Variants in LINC00305 observed in about 807,000 individuals in gnomAD.
The protein encoded by LINC00305 is long intergenic non-protein coding RNA 305.
At chr18:64,141,811 T>G (rs917022425) in intron 1 of LINC00305, among the ~76,000 whole-genome samples, 2 of 152,240 alleles carry the variant, frequency 1.3e-5, no homozygotes, top group African/African-American at 4.8e-5. Context: ...CTCACGCATA[T>G]GAAACAATGT....
At position 64,087,342 on chromosome 18, in the gene LINC00305, G is replaced by T. The variant is rs190839496; in HGVS notation, n.541-6940C>A. The stretch of plus-strand genomic sequence containing the variant: ...CTTAATCAGAAAATCCAATCAAATT[G>T]GTTCTCTGAATTGGAATCATCAAGC... On this transcript the variant is annotated intron_variant and non_coding_transcript_variant, in intron 3 of 3. Coordinates refer to ENST00000666468, the Ensembl canonical transcript of LINC00305. Among the ~76,000 whole-genome samples the T allele has an allele frequency of 1.9e-4, 29 of 152,170 alleles. 1 individual carries two copies. The South Asian group carries it at 2.7e-3, about 14-fold the overall frequency.
At chr18:64,143,339 G>A (rs1344242906) in intron 1 of LINC00305, among the ~76,000 whole-genome samples, 3 of 152,098 alleles carry the variant, frequency 2.0e-5, no homozygotes, top group Non-Finnish European at 4.4e-5. Flanking sequence ...CTAGCTGGCA[G>A]TCTTGATTTC....
chr18:64,144,251 C>G (rs565028869), intron 1 of LINC00305, among the ~76,000 whole-genome samples: 3 of 151,962 alleles, frequency 2.0e-5, no homozygotes, highest in African/African-American at 7.3e-5. Context: ...TTGCCAATAG[C>G]CTTATTTGTG....
intron 1 of LINC00305, among the ~76,000 whole-genome samples, chr18:64,108,994 C>T (rs2051303855): frequency 6.6e-6 from 1 of 152,130 alleles, no homozygotes; most frequent in Admixed American, 6.5e-5. Flanking sequence ...GAAAGCTCTG[C>T]CTAAAGCTCA....
chr18:64,090,634 G>A (rs982979281), intron 3 of LINC00305, among the ~76,000 whole-genome samples: 10 of 152,206 alleles, frequency 6.6e-5, no homozygotes, highest in African/African-American at 2.4e-4. Context: ...CAAGTATTCA[G>A]AAAGTGATGT....
At chr18:64,142,513 A>T (rs1441428596) in intron 1 of LINC00305, among the ~76,000 whole-genome samples, 1 of 152,092 alleles carries the variant, frequency 6.6e-6, no homozygotes, top group Non-Finnish European at 1.5e-5. Context: ...TCTAAATGGG[A>T]CTCTGGTGCT....
intron 1 of LINC00305, among the ~76,000 whole-genome samples, chr18:64,134,051 G>A (rs2051421893): frequency 6.6e-6 from 1 of 152,032 alleles, no homozygotes; most frequent in Non-Finnish European, 1.5e-5. Flanking sequence ...ACATCGGAGG[G>A]GCTTCAGACA....
intron 1 of LINC00305, among the ~76,000 whole-genome samples, chr18:64,138,088 C>G (rs1190543436): frequency 6.6e-6 from 1 of 152,104 alleles, no homozygotes; most frequent in Admixed American, 6.5e-5. Context: ...GTTTGCAGAT[C>G]AGCAGATCAA....
intron 1 of LINC00305, among the ~76,000 whole-genome samples, chr18:64,102,679 C>T (rs552588995): frequency 6.6e-6 from 1 of 152,274 alleles, no homozygotes; most frequent in Non-Finnish European, 1.5e-5. Flanking sequence ...GTAGCTTCTG[C>T]TTCTAGGGAG....
At chr18:64,107,039 A>G (rs1202740867) in intron 1 of LINC00305, among the ~76,000 whole-genome samples, 1 of 152,194 alleles carries the variant, frequency 6.6e-6, no homozygotes, top group Non-Finnish European at 1.5e-5. Flanking sequence ...GGCCCATAAA[A>G]TATTTTTCAA....
At position 64,109,851 on chromosome 18, in the gene LINC00305, G is replaced by A. The variant is rs75490384; in HGVS notation, n.315-11211C>T. Among the ~76,000 whole-genome samples the A allele has an allele frequency of 3.7e-3, 571 of 152,340 alleles. 25 individuals carry two copies. The East Asian group carries it at 0.097, about 26-fold the overall frequency. On this transcript the variant is annotated intron_variant and non_coding_transcript_variant, in intron 1 of 3. Coordinates refer to ENST00000666468, the Ensembl canonical transcript of LINC00305. ...CTAAAGCACTCAATTAATTGCCAGT[G>A]CAAGACTCTCCACTCCGAGCTTGTC...
At chr18:64,145,731 C>T (rs964970967) in intron 1 of LINC00305, among the ~76,000 whole-genome samples, 1 of 152,146 alleles carries the variant, frequency 6.6e-6, no homozygotes, top group Non-Finnish European at 1.5e-5. Flanking sequence ...TGTACATTAT[C>T]AAAACTGTGT....
intron 1 of LINC00305, among the ~76,000 whole-genome samples, chr18:64,100,723 T>G (rs976949577): frequency 6.6e-6 from 1 of 152,212 alleles, no homozygotes; most frequent in Admixed American, 6.5e-5. Context: ...CATTTGAAAA[T>G]CAGCACTTGA....
At chr18:64,095,169 G>T (rs1188894431) in intron 3 of LINC00305, among the ~76,000 whole-genome samples, 2 of 152,172 alleles carry the variant, frequency 1.3e-5, no homozygotes, top group Non-Finnish European at 2.9e-5. Flanking sequence ...TTTGAGAGGC[G>T]ATTTCTAACA....
intron 1 of LINC00305, among the ~76,000 whole-genome samples, chr18:64,112,557 T>C (rs1473453399): frequency 6.6e-6 from 1 of 152,180 alleles, no homozygotes; most frequent in Non-Finnish European, 1.5e-5. Context: ...TGTAATACAA[T>C]TTAGTGGTAT....
At chr18:64,141,402 T>G (rs1439584126) in intron 1 of LINC00305, among the ~76,000 whole-genome samples, 1 of 152,142 alleles carries the variant, frequency 6.6e-6, no homozygotes, top group African/African-American at 2.4e-5. Flanking sequence ...GCTGTGAAAC[T>G]GAATAGGTTT....
intron 1 of LINC00305, among the ~76,000 whole-genome samples, chr18:64,122,842 T>C (rs1262039768): frequency 6.6e-6 from 1 of 152,086 alleles, no homozygotes; most frequent in African/African-American, 2.4e-5. Context: ...TTTTTCCATT[T>C]GTTTGTTTTA....
intron 1 of LINC00305, among the ~76,000 whole-genome samples, chr18:64,147,905 A>G (rs186635822): frequency 2.6e-5 from 4 of 151,986 alleles, no homozygotes; most frequent in East Asian, 3.9e-4. Flanking sequence ...GCCTTTTACA[A>G]TGAAGTCCTT....
At chr18:64,082,121 A>G (rs1334759496) in intron 3 of LINC00305, among the ~76,000 whole-genome samples, 1 of 152,214 alleles carries the variant, frequency 6.6e-6, no homozygotes, top group Non-Finnish European at 1.5e-5. Flanking sequence ...TTTAGGAGTC[A>G]TACAGCCAAA....
Sources: gnomAD v4.1 joint callset for allele counts (sites outside exome capture counted in the v4.1 genomes callset) on GRCh38, gnomAD v4.1.1 for gene constraint, MANE v1.5 for transcripts, NCBI Gene and HGNC (gene_info 2026-07-23, HGNC 2026-07-21) for gene names.